FAT3: variants seen among roughly 807,000 people sequenced by gnomAD.
FAT3 encodes FAT atypical cadherin 3.
In FAT3, 95 loss-of-function variants were observed where a neutral mutation model predicts 310.2. The ratio of observed to expected loss-of-function variants is 0.31; its 90% CI spans 0.26 to 0.36. The LOEUF is 0.36. Ranked by LOEUF, FAT3 falls within the 10% of genes least tolerant of loss-of-function variation. The pLI is 1.00. For missense variants in FAT3, 5,408 were observed against 5,715.6 expected (o/e 0.95, Z 1.74); for synonymous variants, 2,314 against 2,192.9 (o/e 1.06, Z -1.54).
chr11:92,582,706 T>C (rs1938878236), intron 3 of FAT3, among the ~76,000 whole-genome samples: 1 of 152,052 alleles, frequency 6.6e-6, no homozygotes, highest in South Asian at 2.1e-4. Flanking sequence ...TGCTGCATAC[T>C]GTGACATGGC....
intron 3 of FAT3, among the ~76,000 whole-genome samples, chr11:92,530,920 G>T (rs1357466064): frequency 6.6e-6 from 1 of 151,806 alleles, no homozygotes. Flanking sequence ...AAAAGGTGAG[G>T]TACAAGGGTC....
chr11:92,710,072 A>G (rs1944474744), intron 4 of FAT3, among the ~76,000 whole-genome samples: 1 of 152,218 alleles, frequency 6.6e-6, no homozygotes, highest in Admixed American at 6.5e-5. Flanking sequence ...TTGAAATAAA[A>G]TCTACTTTTA....
chr11:92,812,219 G>A (rs577984870), intron 13 of FAT3, among the ~76,000 whole-genome samples: 1 of 152,246 alleles, frequency 6.6e-6, no homozygotes, highest in African/African-American at 2.4e-5. Context: ...AGATTACCAG[G>A]TTGTTGAAGG....
chr11:92,273,135 T>A (rs1946173469), intron 1 of FAT3, among the ~76,000 whole-genome samples: 1 of 152,136 alleles, frequency 6.6e-6, no homozygotes, highest in Non-Finnish European at 1.5e-5. Flanking sequence ...ATAGTATCTG[T>A]GAAATTATGA....
intron 3 of FAT3, among the ~76,000 whole-genome samples, chr11:92,637,013 G>A (rs963927381): frequency 3.9e-5 from 6 of 152,114 alleles, no homozygotes; most frequent in African/African-American, 7.2e-5. Flanking sequence ...CAACTTGCCC[G>A]TTTCTGTCAG....
At chr11:92,734,419 A>G (rs1211254551) in intron 4 of FAT3, among the ~76,000 whole-genome samples, 1 of 152,212 alleles carries the variant, frequency 6.6e-6, no homozygotes, top group Non-Finnish European at 1.5e-5. Flanking sequence ...AAGGCTGTTA[A>G]GCACTAGAAG....
chr11:92,721,203 G>T (rs1387456075), intron 4 of FAT3, among the ~76,000 whole-genome samples: 1 of 152,134 alleles, frequency 6.6e-6, no homozygotes, highest in Admixed American at 6.5e-5. Context: ...GGCAAATCAG[G>T]ATAATGCAAG....
chr11:92,454,116 TTTACA>T (rs1445429216), intron 2 of FAT3, among the ~76,000 whole-genome samples: 1 of 152,196 alleles, frequency 6.6e-6, no homozygotes, highest in Non-Finnish European at 1.5e-5. Context: ...GGTAAGATAC[TTTACA>T]TTATTTGCCT....
chr11:92,372,946 C>T (rs1949233088), intron 2 of FAT3, among the ~76,000 whole-genome samples: 1 of 152,180 alleles, frequency 6.6e-6, no homozygotes, highest in Admixed American at 6.6e-5. Flanking sequence ...AGGCATGAGC[C>T]ACCGTGCCCG....
rs865845817 is a variant in FAT3 at position 92,298,433 on chromosome 11, T to G, written c.-17-53663T>G. On this transcript the variant is annotated intron_variant, in intron 1 of 27. Transcript: ENST00000525166. ...TCTTTCTCTTGATGGGTTTCTGGTT[T>G]CCCTATGTACAGTCACATCTCCTTT... Among the ~76,000 whole-genome samples the G allele has an allele frequency of 2.6e-5, 4 of 152,254 alleles. 1 individual carries two copies. In the Middle Eastern group the frequency reaches 0.01, roughly 388 times the overall value.
chr11:92,422,593 G>A (rs1344836501), intron 2 of FAT3, among the ~76,000 whole-genome samples: 3 of 152,158 alleles, frequency 2.0e-5, no homozygotes, highest in South Asian at 4.1e-4. Context: ...TTCTTTCAAA[G>A]GAGGTGAGTG....
chr11:92,646,355 A>C (rs1408717450), intron 3 of FAT3, among the ~76,000 whole-genome samples: 1 of 152,174 alleles, frequency 6.6e-6, no homozygotes, highest in Non-Finnish European at 1.5e-5. Flanking sequence ...GTCCAGAGAG[A>C]ATGTGCTAGT....
At chr11:92,533,708 C>G (rs1361350724) in intron 3 of FAT3, among the ~76,000 whole-genome samples, 1 of 152,080 alleles carries the variant, frequency 6.6e-6, no homozygotes, top group Admixed American at 6.5e-5. Context: ...CAGGCACTTC[C>G]AAGAGCTATA....
At chr11:92,517,036 C>T (rs894468999) in intron 2 of FAT3, among the ~76,000 whole-genome samples, 5 of 152,122 alleles carry the variant, frequency 3.3e-5, no homozygotes, top group Non-Finnish European at 5.9e-5. Flanking sequence ...GAATAAATAT[C>T]GTGAAAACGG....
chr11:92,631,349 G>A (rs1158088190), intron 3 of FAT3, among the ~76,000 whole-genome samples: 3 of 152,144 alleles, frequency 2.0e-5, no homozygotes, highest in Admixed American at 6.5e-5. Flanking sequence ...CTTTCAGAAT[G>A]GAGGGTGATA....
At chr11:92,433,251 C>G (rs551936680) in intron 2 of FAT3, among the ~76,000 whole-genome samples, 128 of 152,234 alleles carry the variant, frequency 8.4e-4, no homozygotes, top group African/African-American at 3.0e-3. Context: ...ACGGTTCTGT[C>G]TCACTGGCAT....
chr11:92,415,398 A>T (rs1428015269), intron 2 of FAT3, among the ~76,000 whole-genome samples: 1 of 152,092 alleles, frequency 6.6e-6, no homozygotes, highest in Admixed American at 6.6e-5. Context: ...CTGAATAAGG[A>T]TGGGCATGGA....
intron 13 of FAT3, 109 bp downstream of exon 13, chr11:92,810,185 C>T (rs1271934258): frequency 1.3e-5 from 12 of 937,800 alleles, no homozygotes; most frequent in Non-Finnish European, 1.8e-5. Flanking sequence ...GGTTCTTTAC[C>T]ACGAGAACAT....
At chr11:92,287,169 T>A (rs1366389738) in intron 1 of FAT3, among the ~76,000 whole-genome samples, 1 of 152,116 alleles carries the variant, frequency 6.6e-6, no homozygotes, top group Non-Finnish European at 1.5e-5. Flanking sequence ...TGAGAAGAAC[T>A]GAAGAATAAA....
Sources: gnomAD v4.1 joint callset for allele counts (sites outside exome capture counted in the v4.1 genomes callset) on GRCh38, gnomAD v4.1.1 for gene constraint, MANE v1.5 for transcripts, NCBI Gene and HGNC (gene_info 2026-07-23, HGNC 2026-07-21) for gene names.